RAB33A: variants seen among roughly 807,000 people sequenced by gnomAD.
RAB33A encodes the protein RAB33A, member RAS oncogene family.
Under a neutral mutation model 12.0 loss-of-function variants are expected in RAB33A, and 6 were observed. That is an observed-to-expected ratio of 0.50 (90% CI 0.27 to 0.99). The LOEUF (loss-of-function observed/expected upper bound fraction) is 0.99, where lower values mean the gene tolerates loss of function less well. Ranked by LOEUF, RAB33A falls within the 50% of genes least tolerant of loss-of-function variation. The probability of loss-of-function intolerance (pLI) is 0.11; values close to 1 mark genes in which losing one functional copy is unlikely to be tolerated. For synonymous variants in RAB33A, 70 were observed against 82.4 expected (o/e 0.85, Z 0.81); for missense variants, 109 against 192.0 (o/e 0.57, Z 2.55).
the RAB33A span, chrX:130,131,801 TAAG>T: frequency 5.1e-5 from 62 of 1,209,403 alleles, no homozygotes; most frequent in African/African-American, 8.7e-5. Flanking sequence ...AAATCACTCC[TAAG>T]AAGAGAGAAG....
At chrX:130,169,087 A>T (rs906946870), upstream of RAB33A, among the ~76,000 whole-genome samples, 1 of 109,397 alleles carries the variant, frequency 9.1e-6, no homozygotes, top group East Asian at 2.8e-4. Context: ...GGGCGCCTGT[A>T]GTCCCAGCTA....
chrX:130,157,705 G>A, the RAB33A span, among the ~76,000 whole-genome samples: 255 of 111,061 alleles, frequency 2.3e-3, no homozygotes, highest in African/African-American at 7.8e-3. Flanking sequence ...GGTGGCTCAC[G>A]CCTGTAATCC....
the RAB33A span, among the ~76,000 whole-genome samples, chrX:130,146,328 T>C: frequency 1.8e-5 from 2 of 109,028 alleles, no homozygotes; most frequent in African/African-American, 6.7e-5. Context: ...CCTGTAGTCC[T>C]AGCTACTCGG....
At chrX:130,176,551 G>A (rs899563694) in intron 1 of RAB33A, among the ~76,000 whole-genome samples, 2 of 111,892 alleles carry the variant, frequency 1.8e-5, no homozygotes, top group Admixed American at 9.4e-5. Context: ...TTATCAAGTG[G>A]ATGGAGGCTG....
At chrX:130,153,463 C>A in the RAB33A span, among the ~76,000 whole-genome samples, 2 of 109,342 alleles carry the variant, frequency 1.8e-5, no homozygotes, top group South Asian at 7.7e-4. Flanking sequence ...AATAGTTATA[C>A]TTAAGTTAGG....
At chrX:130,137,312 C>T in the RAB33A span, 27 of 1,180,161 alleles carry the variant, frequency 2.3e-5, no homozygotes, top group South Asian at 2.8e-4. Context: ...CCAGGCCGAG[C>T]GCCCACTTAC....
At chrX:130,111,158 G>C in the RAB33A span, among the ~76,000 whole-genome samples, 1 of 109,872 alleles carries the variant, frequency 9.1e-6, no homozygotes, top group Non-Finnish European at 1.9e-5. Context: ...GCTCGCGCCC[G>C]GGGGACCACG....
At chrX:130,145,521 A>T in the RAB33A span, 1 of 1,210,595 alleles carries the variant, frequency 8.3e-7, no homozygotes, top group Non-Finnish European at 1.1e-6. Context: ...TCTCAATATG[A>T]GGCAGGTCCT....
chrX:130,126,496 GA>G, the RAB33A span, among the ~76,000 whole-genome samples: 6 of 98,738 alleles, frequency 6.1e-5, no homozygotes, highest in Admixed American at 1.1e-4. Flanking sequence ...ATCTCAAAAA[GA>G]AAAAAAAAAA....
At position 130,172,052 on chromosome X, in the gene RAB33A, G is replaced by T. The variant is rs1169833038; in HGVS notation, c.-11G>T. 2 of 1,200,794 alleles carry T rather than the reference G, an allele frequency of 1.7e-6. No individual in the cohort carries two copies. Among genetic ancestry groups the T allele is most frequent in the African/African-American group, 3.5e-5 (2 of 57,250 alleles). Reference sequence around the variant, plus strand: ...CAAGGGGGGTTGGGGCCCCGGTTCGGTCCGGGGGAGATGGCGCAGCCCATC... The same window carrying T: ...CAAGGGGGGTTGGGGCCCCGGTTCGTTCCGGGGGAGATGGCGCAGCCCATC... On this transcript the variant is annotated 5_prime_UTR_variant, in exon 1 of 2. Coordinates refer to ENST00000257017, the MANE Select transcript of RAB33A (RefSeq NM_004794.3).
the RAB33A span, chrX:130,129,453 C>G: frequency 3.1e-6 from 2 of 637,576 alleles, no homozygotes; most frequent in Admixed American, 2.3e-5. Flanking sequence ...CTTGATCATT[C>G]ACACTCATAC....
intron 1 of RAB33A, 144 bp downstream of exon 1, chrX:130,172,464 A>C: frequency 6.8e-6 from 5 of 730,726 alleles, no homozygotes; most frequent in Admixed American, 8.6e-5. Context: ...GCTCCTCCTC[A>C]CCCCTTTTCA....
chrX:130,122,428 C>T, the RAB33A span, among the ~76,000 whole-genome samples: 166 of 112,342 alleles, frequency 1.5e-3, 1 homozygote, highest in Middle Eastern at 0.023. Context: ...TGCCTGTATG[C>T]ACTTTCCTTT....
At chrX:130,139,903 C>G in the RAB33A span, 2 of 1,145,080 alleles carry the variant, frequency 1.7e-6, no homozygotes, top group African/African-American at 3.6e-5. Flanking sequence ...CCCTTTAGCC[C>G]AACAAGCAGG....
chrX:130,162,534 A>C, the RAB33A span, among the ~76,000 whole-genome samples: 1 of 112,309 alleles, frequency 8.9e-6, no homozygotes, highest in East Asian at 2.8e-4. Context: ...GTAACTTATT[A>C]ACTGGTTACA....
chrX:130,165,669 T>C, the RAB33A span: 1 of 1,171,304 alleles, frequency 8.5e-7, no homozygotes, highest in Non-Finnish European at 1.2e-6. Context: ...CGGCGACCGC[T>C]ATTCGGGACC....
the RAB33A span, among the ~76,000 whole-genome samples, chrX:130,165,104 T>C: frequency 2.7e-5 from 3 of 110,498 alleles, no homozygotes; most frequent in African/African-American, 6.6e-5. Context: ...TTCAAATCCA[T>C]GGATCTCATC....
chrX:130,182,157 AATATATAT>A (rs1300343120), intron 1 of RAB33A, among the ~76,000 whole-genome samples: 2 of 44,640 alleles, frequency 4.5e-5, no homozygotes, highest in African/African-American at 1.9e-4. Flanking sequence ...AAAAAAAAAA[AATATATAT>A]ATATATATAT....
the RAB33A span, among the ~76,000 whole-genome samples, chrX:130,136,430 T>C: frequency 8.9e-6 from 1 of 112,328 alleles, no homozygotes; most frequent in Non-Finnish European, 1.9e-5. Flanking sequence ...GTGAGACAGA[T>C]AGAATGGGGC....
Sources: gnomAD v4.1 joint callset for allele counts (sites outside exome capture counted in the v4.1 genomes callset) on GRCh38, gnomAD v4.1.1 for gene constraint, MANE v1.5 for transcripts, NCBI Gene and HGNC (gene_info 2026-07-23, HGNC 2026-07-21) for gene names.